Variants in EPHB2 observed in about 807,000 individuals in gnomAD.
EPHB2 encodes the protein EPH receptor B2, also known as ephrin type-B receptor 2.
In EPHB2, 18 loss-of-function variants were observed where a neutral mutation model predicts 96.4. The ratio of observed to expected loss-of-function variants is 0.19; its 90% CI spans 0.13 to 0.28. The LOEUF (loss-of-function observed/expected upper bound fraction) is 0.28. EPHB2 is among the 10% of genes least tolerant of loss of function. The probability of loss-of-function intolerance (pLI) is 1.00; values close to 1 mark genes in which losing one functional copy is unlikely to be tolerated. For missense variants in EPHB2, 989 were observed against 1,355.4 expected, an observed-to-expected ratio of 0.73 and a Z score of 4.25; for synonymous variants, 506 against 534.1, an observed-to-expected ratio of 0.95 and a Z score of 0.72.
chr1:22,877,874 G>A (rs1638895903), intron 5 of EPHB2, among the ~76,000 whole-genome samples: 2 of 152,218 alleles, frequency 1.3e-5, no homozygotes. Flanking sequence ...CACATTCTCA[G>A]GCCCCACTCC....
chr1:22,843,008 A>C (rs1645491698), intron 3 of EPHB2, among the ~76,000 whole-genome samples: 1 of 152,090 alleles, frequency 6.6e-6, no homozygotes, highest in Non-Finnish European at 1.5e-5. Context: ...TTTGATGATA[A>C]ATTCTCAAGT....
At chr1:22,736,518 A>G (rs916427851) in intron 1 of EPHB2, among the ~76,000 whole-genome samples, 1 of 152,116 alleles carries the variant, frequency 6.6e-6, no homozygotes, top group East Asian at 1.9e-4. Context: ...TGGCCAAAGC[A>G]TGGTTCCCTG....
At chr1:22,765,103 A>T (rs2817885) in intron 1 of EPHB2, among the ~76,000 whole-genome samples, 3 of 152,054 alleles carry the variant, frequency 2.0e-5, no homozygotes, top group Admixed American at 6.5e-5. Flanking sequence ...GGTGAGGGTG[A>T]GGAGCCGGAC....
At chr1:22,762,916 C>T (rs1049115715) in intron 1 of EPHB2, among the ~76,000 whole-genome samples, 4 of 152,172 alleles carry the variant, frequency 2.6e-5, no homozygotes, top group African/African-American at 9.7e-5. Flanking sequence ...TTCCCAGCAT[C>T]TCTTCCTCCC....
intron 2 of EPHB2, among the ~76,000 whole-genome samples, chr1:22,782,371 C>G (rs2817902): frequency 0.71 from 107,612 of 150,560 alleles, 40,334 homozygotes; most frequent in Non-Finnish European, 0.83. Flanking sequence ...TCATCCCCGC[C>G]GTCTCTGGAC....
At chr1:22,811,503 G>T (rs1288032378) in intron 3 of EPHB2, among the ~76,000 whole-genome samples, 1 of 152,196 alleles carries the variant, frequency 6.6e-6, no homozygotes, top group Non-Finnish European at 1.5e-5. Context: ...GGTGAGATAA[G>T]GGGCTAAAGA....
chr1:22,833,325 G>C lies in EPHB2; in HGVS notation c.812-29712G>C, dbSNP rs558640742. On this transcript the variant is annotated intron_variant, in intron 3 of 15. Coordinates refer to ENST00000374630, the MANE Select transcript of EPHB2 (RefSeq NM_017449.5). ...GGTAGAGACAGGGTTTCACCATATT[G>C]GCCAGGCTGGTCTCGAACTCCTGAC... 1.8e-4 allele frequency among the ~76,000 whole-genome samples: 27 copies of C among 151,944 alleles called. 1 individual carries two copies. The highest frequency in any genetic ancestry group is 9.8e-4 in the Admixed American group (15 of 15,254).
chr1:22,779,651 G>A (rs1472550368), intron 1 of EPHB2, among the ~76,000 whole-genome samples: 1 of 152,168 alleles, frequency 6.6e-6, no homozygotes, highest in Non-Finnish European at 1.5e-5. Flanking sequence ...AAGTTTATAG[G>A]CTAGGAGGCA....
chr1:22,830,068 G>T (rs907158822), intron 3 of EPHB2, among the ~76,000 whole-genome samples: 1 of 152,136 alleles, frequency 6.6e-6, no homozygotes, highest in Non-Finnish European at 1.5e-5. Flanking sequence ...GGGAAGGGGG[G>T]ACTAGGGCTG....
intron 5 of EPHB2, among the ~76,000 whole-genome samples, chr1:22,872,223 T>C (rs1020322885): frequency 6.6e-6 from 1 of 152,132 alleles, no homozygotes; most frequent in African/African-American, 2.4e-5. Context: ...TCAAGGCCTC[T>C]CTTGGGTCCT....
At chr1:22,901,319 AG>A (rs1639740260) in intron 9 of EPHB2, among the ~76,000 whole-genome samples, 1 of 152,154 alleles carries the variant, frequency 6.6e-6, no homozygotes, top group Non-Finnish European at 1.5e-5. Flanking sequence ...AGGTGAAAAA[AG>A]TGAGACACAG....
In EPHB2 at chr1:22,731,063, A is replaced by G. The variant is rs573642352; in HGVS notation, c.61+20020A>G. ...AGGGGGCGGAGAGAAAATGGACCTT[A>G]AATGTCTTCTCCCTCTGGCCTGCCC... On this transcript the variant is annotated intron_variant, in intron 1 of 15. Transcript: ENST00000374630. 2.6e-5 allele frequency among the ~76,000 whole-genome samples: 4 copies of G among 152,210 alleles called. No homozygotes were observed. In the East Asian group the frequency reaches 7.7e-4, roughly 29 times the overall value.
chr1:22,798,956 T>TG (rs1644804531), intron 3 of EPHB2, among the ~76,000 whole-genome samples: 1 of 151,814 alleles, frequency 6.6e-6, no homozygotes, highest in South Asian at 2.1e-4. Flanking sequence ...ATGTCTAAGG[T>TG]GGGGGGGACA....
chr1:22,779,299 C>T (rs1464015973), intron 1 of EPHB2, among the ~76,000 whole-genome samples: 1 of 152,202 alleles, frequency 6.6e-6, no homozygotes, highest in Non-Finnish European at 1.5e-5. Flanking sequence ...ATCCCTGGCA[C>T]CCTTACCCCA....
chr1:22,735,091 G>A (rs1212730614), intron 1 of EPHB2, among the ~76,000 whole-genome samples: 1 of 152,096 alleles, frequency 6.6e-6, no homozygotes, highest in East Asian at 1.9e-4. Context: ...GGCCTGTGGG[G>A]CATGGTGTGG....
chr1:22,873,511 CAGAG>C (rs370862179), intron 5 of EPHB2, among the ~76,000 whole-genome samples: 2 of 151,160 alleles, frequency 1.3e-5, no homozygotes, highest in African/African-American at 2.4e-5. Flanking sequence ...AAGCGAGAGT[CAGAG>C]AGAGAGAGAG....
chr1:22,884,818 G>C (rs1639171006), intron 6 of EPHB2, among the ~76,000 whole-genome samples: 1 of 152,022 alleles, frequency 6.6e-6, no homozygotes, highest in Non-Finnish European at 1.5e-5. Context: ...ATGCCATCCA[G>C]CGCCCCATTT....
In EPHB2 at chr1:22,889,109, C is replaced by T. The variant is rs114737660; in HGVS notation, c.1429-3775C>T. Among the ~76,000 whole-genome samples, 542 of 152,234 alleles carry T rather than the reference C, an allele frequency of 3.6e-3. 2 individuals are homozygous for T. Among genetic ancestry groups the T allele is most frequent in the Middle Eastern group, 0.024 (7 of 294 alleles). On this transcript the variant is annotated intron_variant, in intron 6 of 15. Transcript: ENST00000374630. ...GGTCGAGGCTGCAATGGGCCATAATCGCGCCACTGCACTCCAGCCTGGGTC... is the reference window on the plus strand; with the variant it reads ...GGTCGAGGCTGCAATGGGCCATAATTGCGCCACTGCACTCCAGCCTGGGTC...
chr1:22,743,788 A>C (rs2148369173), intron 1 of EPHB2, among the ~76,000 whole-genome samples: 1 of 152,348 alleles, frequency 6.6e-6, no homozygotes, highest in South Asian at 2.1e-4. Flanking sequence ...GGATTAAAGT[A>C]GATGATAGCC....
Sources: gnomAD v4.1 joint callset for allele counts (sites outside exome capture counted in the v4.1 genomes callset) on GRCh38, gnomAD v4.1.1 for gene constraint, MANE v1.5 for transcripts, NCBI Gene and HGNC (gene_info 2026-07-23, HGNC 2026-07-21) for gene names.